The following RARB variants were observed in gnomAD, a reference collection of about 807,000 sequenced individuals.
RARB encodes retinoic acid receptor beta.
A neutral mutation model predicts 51.9 loss-of-function variants in RARB; 17 were observed. The ratio of observed to expected loss-of-function variants is 0.33; its 90% confidence interval spans 0.22 to 0.49. The LOEUF is 0.49. Among genes scored for constraint, RARB ranks in the 20% least tolerant of loss-of-function variants. The pLI is 0.99. For synonymous variants in RARB, 215 were observed against 195.4 expected (o/e 1.10, Z -0.84); for missense variants, 369 against 550.8 (o/e 0.67, Z 3.30).
intron 5 of RARB, among the ~76,000 whole-genome samples, chr3:25,235,873 A>G (rs1702290630): frequency 6.6e-6 from 1 of 152,180 alleles, no homozygotes; most frequent in African/African-American, 2.4e-5. Flanking sequence ...ACAGTGCCAC[A>G]TATTACTCCA....
chr3:25,258,867 G>T (rs939170695), intron 5 of RARB, among the ~76,000 whole-genome samples: 1 of 152,034 alleles, frequency 6.6e-6, no homozygotes, highest in Non-Finnish European at 1.5e-5. Flanking sequence ...TCTTAATAGA[G>T]GTCCCTGAAT....
At chr3:25,397,189 C>T (rs1420845653) in intron 5 of RARB, among the ~76,000 whole-genome samples, 1 of 152,190 alleles carries the variant, frequency 6.6e-6, no homozygotes, top group Non-Finnish European at 1.5e-5. Flanking sequence ...TCAGAAATGG[C>T]TTCCCTGGGG....
chr3:24,911,501 C>A (rs1694988112), intron 2 of RARB, among the ~76,000 whole-genome samples: 1 of 152,144 alleles, frequency 6.6e-6, no homozygotes, highest in South Asian at 2.1e-4. Flanking sequence ...GGTTTGGGAC[C>A]AAGCATAAAT....
At chr3:25,040,334 A>T (rs1698086562) in intron 2 of RARB, among the ~76,000 whole-genome samples, 1 of 152,218 alleles carries the variant, frequency 6.6e-6, no homozygotes. Flanking sequence ...AGGGGAAGCC[A>T]ATGGAAATAT....
At chr3:25,465,291 T>A (rs1246905336) in intron 2 of RARB, among the ~76,000 whole-genome samples, 3 of 152,210 alleles carry the variant, frequency 2.0e-5, no homozygotes, top group African/African-American at 7.2e-5. Flanking sequence ...ATATTTACTA[T>A]GGGCCCTGTG....
chr3:25,346,580 C>G (rs1471822058), intron 5 of RARB, among the ~76,000 whole-genome samples: 1 of 152,220 alleles, frequency 6.6e-6, no homozygotes, highest in Non-Finnish European at 1.5e-5. Context: ...CATCCCATGG[C>G]TGATGTGGGA....
intron 2 of RARB, among the ~76,000 whole-genome samples, chr3:24,894,244 G>A (rs754353279): frequency 4.6e-5 from 7 of 151,722 alleles, no homozygotes; most frequent in Non-Finnish European, 7.4e-5. Context: ...CCTGATAGGC[G>A]ATCTTTCAGC....
intron 5 of RARB, among the ~76,000 whole-genome samples, chr3:25,373,189 G>A (rs1051822227): frequency 4.6e-5 from 7 of 152,180 alleles, no homozygotes; most frequent in Non-Finnish European, 7.3e-5. Flanking sequence ...CGGAGCTAGA[G>A]ATAAAATTGT....
At chr3:24,897,363 G>A (rs1351857922) in intron 2 of RARB, among the ~76,000 whole-genome samples, 1 of 152,180 alleles carries the variant, frequency 6.6e-6, no homozygotes, top group African/African-American at 2.4e-5. Context: ...GTGTAGTGTA[G>A]TTTTTGACTT....
intron 5 of RARB, among the ~76,000 whole-genome samples, chr3:25,208,270 A>G (rs1701605817): frequency 6.6e-6 from 1 of 152,178 alleles, no homozygotes; most frequent in South Asian, 2.1e-4. Flanking sequence ...GACGCTAAGG[A>G]TCCAAGGATT....
intron 5 of RARB, among the ~76,000 whole-genome samples, chr3:25,420,991 CAA>C (rs1204249206): frequency 1.6e-5 from 2 of 126,234 alleles, no homozygotes; most frequent in Non-Finnish European, 1.7e-5. Flanking sequence ...CCACTTATGC[CAA>C]AAAAAAAAAA....
chr3:24,890,593 G>A (rs1315722426), intron 2 of RARB, among the ~76,000 whole-genome samples: 4 of 152,120 alleles, frequency 2.6e-5, no homozygotes, highest in African/African-American at 9.7e-5. Context: ...TTGGTGGGGG[G>A]CAACTACCCC....
At chr3:25,014,662 T>C (rs1420521343) in intron 2 of RARB, among the ~76,000 whole-genome samples, 1 of 152,120 alleles carries the variant, frequency 6.6e-6, no homozygotes, top group Non-Finnish European at 1.5e-5. Flanking sequence ...AAAATGGTTA[T>C]TGCTGTAAGC....
rs537360856 is a variant in RARB, at chr3:25,208,452, C to G, written c.178+33877C>G. On this transcript the variant is annotated intron_variant, in intron 5 of 11. Coordinates refer to the RARB transcript ENST00000383772. Reference sequence around the variant, plus strand: ...TGACCTTTCAAGCAAGTCATTTGCTCTAATTTTGCGTTTCTTTGCTATATT... The same window carrying G: ...TGACCTTTCAAGCAAGTCATTTGCTGTAATTTTGCGTTTCTTTGCTATATT... Among the ~76,000 whole-genome samples the G allele has an allele frequency of 2.8e-4, 42 of 152,246 alleles. 1 individual carries two copies. Among genetic ancestry groups the G allele is most frequent in the Admixed American group, 5.9e-4 (9 of 15,286 alleles).
chr3:25,063,867 G>T (rs1015538720), intron 3 of RARB, among the ~76,000 whole-genome samples: 1 of 152,050 alleles, frequency 6.6e-6, no homozygotes, highest in Non-Finnish European at 1.5e-5. Context: ...AGAAGTTGTG[G>T]TTTAGGAGAG....
intron 2 of RARB, among the ~76,000 whole-genome samples, chr3:25,017,266 G>A (rs1021701): frequency 0.81 from 119,274 of 147,924 alleles, 48,247 homozygotes; most frequent in African/African-American, 0.9. Flanking sequence ...GAACTCGATT[G>A]TGACTAATTT....
At chr3:25,271,314 G>A (rs991423275) in intron 5 of RARB, among the ~76,000 whole-genome samples, 11 of 152,138 alleles carry the variant, frequency 7.2e-5, no homozygotes, top group African/African-American at 2.4e-4. Flanking sequence ...AAATAATAGT[G>A]TGCTAACCAA....
At chr3:25,074,873 G>T (rs534230544) in intron 3 of RARB, among the ~76,000 whole-genome samples, 3 of 152,128 alleles carry the variant, frequency 2.0e-5, no homozygotes, top group Non-Finnish European at 4.4e-5. Context: ...CATATGCAGC[G>T]CAGTGACTTG....
At chr3:25,081,605 ATATATATATATATATATTTTTTTT>A (rs1698999132) in intron 3 of RARB, among the ~76,000 whole-genome samples, 1 of 11,966 alleles carries the variant, frequency 8.4e-5, no homozygotes, top group Non-Finnish European at 1.6e-4. Context: ...ATATATATAT[ATATATATATATATATATTTTTTTT>A]TTTTTTTTTT....
Sources: gnomAD v4.1 joint callset for allele counts (sites outside exome capture counted in the v4.1 genomes callset) on GRCh38, gnomAD v4.1.1 for gene constraint, MANE v1.5 for transcripts, NCBI Gene and HGNC (gene_info 2026-07-23, HGNC 2026-07-21) for gene names.